Variants in PLXNA4 observed in about 807,000 individuals in gnomAD.
PLXNA4 encodes plexin A4.
In PLXNA4, 44 loss-of-function variants were observed where a neutral mutation model predicts 191.8. That is an observed-to-expected ratio of 0.23 (90% CI 0.18 to 0.29). PLXNA4 has a LOEUF of 0.29. Among genes scored for constraint, PLXNA4 ranks in the 10% least tolerant of loss-of-function variants. The pLI is 1.00. For synonymous variants in PLXNA4, 1,082 were observed against 1,009.5 expected, an observed-to-expected ratio of 1.07 and a Z score of -1.36; for missense variants, 1,800 against 2,488.8, an observed-to-expected ratio of 0.72 and a Z score of 5.89.
chr7:132,171,124 C>T (rs775861625), intron 21 of PLXNA4, among the ~76,000 whole-genome samples: 11 of 152,210 alleles, frequency 7.2e-5, no homozygotes, highest in African/African-American at 1.4e-4. Context: ...ACATACATGC[C>T]GCTGTCCTTC....
At chr7:132,166,615 A>G (rs1200998831) in intron 22 of PLXNA4, among the ~76,000 whole-genome samples, 1 of 151,882 alleles carries the variant, frequency 6.6e-6, no homozygotes, top group African/African-American at 2.4e-5. Context: ...AGAAAAGAAG[A>G]AGGAACATTG....
intron 1 of PLXNA4, among the ~76,000 whole-genome samples, chr7:132,547,559 G>A (rs1033982385): frequency 1.3e-5 from 2 of 152,124 alleles, no homozygotes; most frequent in Admixed American, 6.5e-5. Flanking sequence ...AAGACAAGAG[G>A]CTGGGAGCTG....
intron 3 of PLXNA4, among the ~76,000 whole-genome samples, chr7:132,412,410 C>T (rs1478359375): frequency 1.3e-5 from 2 of 152,178 alleles, no homozygotes; most frequent in African/African-American, 4.8e-5. Flanking sequence ...GATCACCTTG[C>T]AGACAGCGAC....
intron 2 of PLXNA4, among the ~76,000 whole-genome samples, chr7:132,625,566 T>G (rs1315132714): frequency 6.6e-6 from 1 of 151,950 alleles, no homozygotes; most frequent in Non-Finnish European, 1.5e-5. Flanking sequence ...AGAGGCAGGG[T>G]GGAGTGTGTG....
intron 3 of PLXNA4, among the ~76,000 whole-genome samples, chr7:132,402,993 C>T (rs1403838196): frequency 1.3e-5 from 2 of 152,266 alleles, no homozygotes; most frequent in African/African-American, 4.8e-5. Context: ...AACTGGATCT[C>T]TCTTCCCCCA....
chr7:132,578,380 C>G (rs551430486), upstream of PLXNA4, among the ~76,000 whole-genome samples: 1 of 152,234 alleles, frequency 6.6e-6, no homozygotes. Context: ...GGCCTCCTCT[C>G]TCCTGTCCCT....
At chr7:132,165,777 G>A (rs1208344191) in intron 22 of PLXNA4, among the ~76,000 whole-genome samples, 1 of 151,806 alleles carries the variant, frequency 6.6e-6, no homozygotes, top group Admixed American at 6.6e-5. Context: ...AGGAATAAAG[G>A]TGGCAGGAGA....
chr7:132,603,492 G>A (rs1263556959), intron 2 of PLXNA4, among the ~76,000 whole-genome samples: 1 of 152,138 alleles, frequency 6.6e-6, no homozygotes, highest in Non-Finnish European at 1.5e-5. Context: ...GAGGATTCTG[G>A]TACCAGCTTT....
At chr7:132,579,926 G>C (rs573636671), upstream of PLXNA4, among the ~76,000 whole-genome samples, 7 of 152,144 alleles carry the variant, frequency 4.6e-5, no homozygotes, top group Admixed American at 1.3e-4. Flanking sequence ...CCTTAAGTTA[G>C]GAGAATGGAA....
At chr7:132,560,427 G>A (rs560461862) in intron 1 of PLXNA4, among the ~76,000 whole-genome samples, 4 of 152,076 alleles carry the variant, frequency 2.6e-5, no homozygotes, top group Non-Finnish European at 5.9e-5. Flanking sequence ...GTATGTTTAC[G>A]CCGAAACATG....
intron 3 of PLXNA4, among the ~76,000 whole-genome samples, chr7:132,449,615 CCT>C (rs1374817166): frequency 3.3e-5 from 5 of 152,212 alleles, no homozygotes; most frequent in African/African-American, 1.2e-4. Context: ...TTTTCTGGAT[CCT>C]CTGTCACACA....
chr7:132,477,963 G>A (rs1478891617), intron 3 of PLXNA4, among the ~76,000 whole-genome samples: 4 of 152,172 alleles, frequency 2.6e-5, no homozygotes, highest in Admixed American at 2.6e-4. Flanking sequence ...AGATTCATTA[G>A]TTTCCTACAA....
At chr7:132,540,182 A>G (rs1800008910) in intron 1 of PLXNA4, among the ~76,000 whole-genome samples, 1 of 152,178 alleles carries the variant, frequency 6.6e-6, no homozygotes, top group Admixed American at 6.5e-5. Context: ...ATCAACCCAG[A>G]GTTTCGGAGC....
At position 132,642,203 on chromosome 7, in the gene PLXNA4, T is replaced by C. The variant is rs915714762; in HGVS notation, c.-87+3725A>G. On this transcript the variant is annotated intron_variant, in intron 2 of 4. Transcript: ENST00000378539. The stretch of plus-strand genomic sequence containing the variant: ...GTAATAAACCCTTCTGTATACAGAA[T>C]GGTTCTATCCAAATATATCTAAAAT... 2.6e-5 allele frequency among the ~76,000 whole-genome samples: 4 copies of C among 152,156 alleles called. No individual in the cohort carries two copies. In the East Asian group the frequency reaches 7.7e-4, roughly 29 times the overall value.
At chr7:132,209,681 C>T (rs541887898) in intron 10 of PLXNA4, among the ~76,000 whole-genome samples, 45 of 152,142 alleles carry the variant, frequency 3.0e-4, no homozygotes, top group Admixed American at 1.3e-3. Context: ...AGCTCCATTT[C>T]CCCCTGGACT....
At chr7:132,489,157 G>T in intron 3 of PLXNA4, 135 bp downstream of exon 3, 1 of 875,694 alleles carries the variant, frequency 1.1e-6, no homozygotes. Flanking sequence ...GACCTCAACA[G>T]CAGCGTATCT....
At chr7:132,209,245 T>G (rs73155284) in intron 10 of PLXNA4, among the ~76,000 whole-genome samples, 8,034 of 152,272 alleles carry the variant, frequency 0.053, 274 homozygotes, top group African/African-American at 0.097. Flanking sequence ...GCCCACAGGC[T>G]CTATCCACCC....
chr7:132,518,410 T>C (rs1404450997), intron 1 of PLXNA4, among the ~76,000 whole-genome samples: 1 of 152,170 alleles, frequency 6.6e-6, no homozygotes, highest in African/African-American at 2.4e-5. Flanking sequence ...ACAGCCTTAG[T>C]CCAGAAAGCA....
At position 132,507,734 on chromosome 7, in the gene PLXNA4, G is replaced by A. The variant is rs373053257; in HGVS notation, c.960C>T (p.Ala320=). Residue 320 remains alanine, a synonymous_variant, in exon 2 of 32, where the codon GCC becomes GCT. Transcript: ENST00000321063. ...GGACTCCAAGGGTCCTGCCAAGCAC[G>A]GCCCCCGCTTTGGACAGGTAGGCAG... is the stretch of plus-strand genomic sequence containing the variant. ...LQAAYLSKAG[A]VLGRTLGVHP... is the part of the protein sequence containing the mutation. The A allele has an allele frequency of 7.4e-5, 120 of 1,614,012 alleles. 1 individual carries two copies. The highest frequency in any genetic ancestry group is 1.6e-4 in the Middle Eastern group (1 of 6,084).
Sources: allele counts gnomAD v4.1 joint callset (sites outside exome capture counted in the v4.1 genomes callset), GRCh38; gene constraint gnomAD v4.1.1; transcripts MANE v1.5; gene names NCBI Gene and HGNC (gene_info 2026-07-23, HGNC 2026-07-21).